MYO3B: variants seen among roughly 807,000 people sequenced by gnomAD.
The protein encoded by MYO3B is myosin IIIB.
MYO3B carries 156 observed loss-of-function variants against 174.6 expected under a neutral mutation model. The observed-to-expected ratio is 0.89, with a 90% CI of 0.78 to 1.02. The LOEUF is 1.02. MYO3B is among the 50% of genes least tolerant of loss of function. MYO3B has a pLI of 0.00. For missense variants in MYO3B, 1,632 were observed against 1,639.4 expected, an observed-to-expected ratio of 1.00 and a Z score of 0.08; for synonymous variants, 563 against 569.1, an observed-to-expected ratio of 0.99 and a Z score of 0.15.
At chr2:170,617,229 T>C (rs891957262) in intron 32 of MYO3B, among the ~76,000 whole-genome samples, 2 of 152,194 alleles carry the variant, frequency 1.3e-5, no homozygotes, top group Admixed American at 6.5e-5. Flanking sequence ...TTACTCCTTT[T>C]AAGAATTTTC....
chr2:170,381,742 G>T (rs941985925), intron 9 of MYO3B, among the ~76,000 whole-genome samples: 7 of 152,240 alleles, frequency 4.6e-5, no homozygotes, highest in Middle Eastern at 3.4e-3. Context: ...GCTGTCTTTG[G>T]CATTTAAGAA....
At chr2:170,286,372 T>C (rs969733156) in intron 7 of MYO3B, among the ~76,000 whole-genome samples, 1 of 152,182 alleles carries the variant, frequency 6.6e-6, no homozygotes, top group Non-Finnish European at 1.5e-5. Flanking sequence ...TCTACACTGA[T>C]CTTGGGGTCT....
At chr2:170,250,283 G>C (rs1353074161) in intron 7 of MYO3B, among the ~76,000 whole-genome samples, 2 of 152,192 alleles carry the variant, frequency 1.3e-5, no homozygotes, top group East Asian at 3.8e-4. Context: ...AGTAGCACTT[G>C]TTCACAATTG....
chr2:170,336,661 G>C (rs2093949380), intron 8 of MYO3B, among the ~76,000 whole-genome samples: 1 of 152,128 alleles, frequency 6.6e-6, no homozygotes, highest in South Asian at 2.1e-4. Context: ...AGATATATTT[G>C]TTTGATTATA....
chr2:170,552,861 T>C (rs1691014595), intron 32 of MYO3B, among the ~76,000 whole-genome samples: 1 of 152,156 alleles, frequency 6.6e-6, no homozygotes, highest in Non-Finnish European at 1.5e-5. Context: ...CACTGCTCTG[T>C]GCAGCCTCAG....
intron 22 of MYO3B, among the ~76,000 whole-genome samples, chr2:170,416,245 G>A (rs114495189): frequency 7.2e-5 from 11 of 152,182 alleles, no homozygotes; most frequent in Non-Finnish European, 1.2e-4. Context: ...AAACTAGACC[G>A]GATGCAGTGG....
intron 30 of MYO3B, among the ~76,000 whole-genome samples, chr2:170,531,054 C>T (rs116565942): frequency 1.3e-3 from 197 of 152,234 alleles, no homozygotes; most frequent in African/African-American, 4.5e-3. Flanking sequence ...TTTCCCTGGG[C>T]GACACAACCA....
At chr2:170,448,512 T>C (rs576037630) in intron 23 of MYO3B, among the ~76,000 whole-genome samples, 1 of 152,338 alleles carries the variant, frequency 6.6e-6, no homozygotes, top group East Asian at 1.9e-4. Context: ...AGAACTGCTT[T>C]GCAGCTGTCT....
intron 32 of MYO3B, among the ~76,000 whole-genome samples, chr2:170,586,006 A>C (rs2106313650): frequency 6.6e-6 from 1 of 152,262 alleles, no homozygotes; most frequent in Admixed American, 6.5e-5. Context: ...CACAGAGGAG[A>C]CTTTGTCTCA....
At chr2:170,534,213 AT>A (rs1393445176) in intron 30 of MYO3B, among the ~76,000 whole-genome samples, 1 of 152,176 alleles carries the variant, frequency 6.6e-6, no homozygotes, top group Admixed American at 6.5e-5. Context: ...CTATGTCAGA[AT>A]TTTTTAGCCA....
Position 170,401,806 on chromosome 2 carries a change from T to C in MYO3B, c.2129+115T>C, listed in dbSNP as rs867152786. The C allele has an allele frequency of 4.5e-5, 44 of 986,868 alleles. 1 individual carries two copies. In the South Asian group the frequency reaches 6.4e-4, roughly 14 times the overall value. 61.1% of individuals were successfully genotyped at this position (986,868 alleles called of 1,614,324 possible). ...TCTGGGATTTTCTTTCTTTTTCTTT[T>C]TTTTTTTTTTTGTGGAGTCAGAGTC... On this transcript the variant is annotated intron_variant, in intron 18 of 34. Transcript: ENST00000408978.
At chr2:170,527,752 G>A (rs556969041) in intron 30 of MYO3B, among the ~76,000 whole-genome samples, 7 of 152,250 alleles carry the variant, frequency 4.6e-5, no homozygotes, top group South Asian at 2.1e-4. Flanking sequence ...ACCTCATGCC[G>A]CCATTGTGAG....
chr2:170,530,840 G>A (rs1689309577), intron 30 of MYO3B, among the ~76,000 whole-genome samples: 2 of 152,122 alleles, frequency 1.3e-5, no homozygotes, highest in South Asian at 4.1e-4. Flanking sequence ...AAGGTGGAAG[G>A]GGCATTGTTG....
intron 22 of MYO3B, among the ~76,000 whole-genome samples, chr2:170,410,592 G>GAA (rs59296953): frequency 8.9e-6 from 1 of 112,530 alleles, no homozygotes; most frequent in Admixed American, 9.6e-5. Flanking sequence ...CAAAAAAAAA[G>GAA]AAAAAAAAAA....
intron 32 of MYO3B, among the ~76,000 whole-genome samples, chr2:170,621,103 G>A (rs1407388789): frequency 6.6e-6 from 1 of 152,036 alleles, no homozygotes. Context: ...CGGCCAGGCT[G>A]GTCTCGAACT....
At chr2:170,457,372 C>CT (rs530862777) in intron 23 of MYO3B, among the ~76,000 whole-genome samples, 12 of 148,398 alleles carry the variant, frequency 8.1e-5, no homozygotes, top group South Asian at 6.4e-4. Context: ...GACTTTTTCA[C>CT]TTTTTTTTTT....
At chr2:170,487,365 T>C (rs925828246) in intron 25 of MYO3B, among the ~76,000 whole-genome samples, 1 of 152,214 alleles carries the variant, frequency 6.6e-6, no homozygotes, top group African/African-American at 2.4e-5. Context: ...CCTACTAGAA[T>C]ATAAAGCTTC....
At chr2:170,334,217 A>G (rs2093931432) in intron 7 of MYO3B, 1 of 152,194 alleles carries the variant, frequency 6.6e-6, no homozygotes, top group Non-Finnish European at 1.5e-5. Flanking sequence ...TAATACTTCT[A>G]TTTATATATC....
At chr2:170,436,240 G>C (rs2094752835) in intron 22 of MYO3B, among the ~76,000 whole-genome samples, 1 of 152,200 alleles carries the variant, frequency 6.6e-6, no homozygotes, top group Admixed American at 6.5e-5. Context: ...GCAATGCTTA[G>C]CTGGGAGGAG....
Sources: gnomAD v4.1 joint callset for allele counts (sites outside exome capture counted in the v4.1 genomes callset) on GRCh38, gnomAD v4.1.1 for gene constraint, MANE v1.5 for transcripts, NCBI Gene and HGNC (gene_info 2026-07-23, HGNC 2026-07-21) for gene names.